OGFOD1: variants seen among roughly 807,000 people sequenced by gnomAD.
The protein encoded by OGFOD1 is 2-oxoglutarate and iron dependent oxygenase domain containing 1.
OGFOD1 carries 54 observed loss-of-function variants against 67.7 expected under a neutral mutation model. The observed-to-expected ratio is 0.80, with a 90% CI of 0.64 to 1.00. The LOEUF (loss-of-function observed/expected upper bound fraction) is 1.00. Ranked by LOEUF, OGFOD1 falls within the 50% of genes least tolerant of loss-of-function variation. OGFOD1 has a pLI of 0.00. For missense variants in OGFOD1, 606 were observed against 646.7 expected, an observed-to-expected ratio of 0.94 and a Z score of 0.68; for synonymous variants, 221 against 227.0, an observed-to-expected ratio of 0.97 and a Z score of 0.24.
intron 3 of OGFOD1, 53 bp from the exon 4 acceptor site, chr16:56,462,481 G>A (rs1245890232): frequency 9.0e-7 from 1 of 1,114,874 alleles, no homozygotes; most frequent in Non-Finnish European, 1.4e-6. Context: ...AAACAGTTGT[G>A]ACCTAGATCC....
chr16:56,467,850 G>A, intron 7 of OGFOD1, 55 bp from the exon 8 acceptor site: 4 of 853,110 alleles, frequency 4.7e-6, no homozygotes, highest in South Asian at 2.7e-5. Flanking sequence ...TGATGTAAGA[G>A]CAAAAGCAAT....
intron 10 of OGFOD1, among the ~76,000 whole-genome samples, chr16:56,471,514 A>T (rs1278611654): frequency 1.3e-5 from 2 of 152,222 alleles, no homozygotes; most frequent in East Asian, 3.8e-4. Context: ...TATTGGCACC[A>T]TTAAAAAGTA....
chr16:56,465,359 T>G (rs1469288614), intron 4 of OGFOD1, among the ~76,000 whole-genome samples: 2 of 152,236 alleles, frequency 1.3e-5, no homozygotes, highest in Admixed American at 6.5e-5. Flanking sequence ...TCCCATTGAT[T>G]CCTCGAGTTC....
chr16:56,471,762 T>A (rs552679331), intron 10 of OGFOD1, among the ~76,000 whole-genome samples: 1 of 152,246 alleles, frequency 6.6e-6, no homozygotes, highest in Non-Finnish European at 1.5e-5. Context: ...CTTTGGCCAC[T>A]GCAGATATTT....
Position 56,470,613 on chromosome 16 carries a change from C to G in OGFOD1, c.1107C>G (p.Ala369=). Residue 369 remains alanine, a synonymous_variant, in exon 10 of 13, where the codon GCC becomes GCG. Coordinates refer to ENST00000566157, the MANE Select transcript of OGFOD1 (RefSeq NM_018233.4). The stretch of plus-strand genomic sequence containing the variant: ...CAGGCCTGAAGCTTCATTTCTTGGC[C>G]CCTTCGGAAGAAGATGAGATGAATG... ...NFTGLKLHFL[A]PSEEDEMNDK... 1.2e-6 allele frequency: 2 copies of G among 1,614,020 alleles called. No homozygotes were observed. The highest frequency in any genetic ancestry group is 1.7e-6 in the Non-Finnish European group (2 of 1,180,018).
At chr16:56,455,386 T>C (rs1202920399) in intron 2 of OGFOD1, among the ~76,000 whole-genome samples, 2 of 146,152 alleles carry the variant, frequency 1.4e-5, no homozygotes, top group African/African-American at 5.0e-5. Context: ...AAAACAAAAC[T>C]GGAAGATATA....
chr16:56,474,999 G>A (rs767780639), intron 11 of OGFOD1, 49 bp downstream of exon 11: 1 of 1,600,064 alleles, frequency 6.2e-7, no homozygotes, highest in Admixed American at 1.7e-5. Context: ...AGGAGGGGCA[G>A]TCTCTTCTGA....
chr16:56,457,392 A>G (rs1169023922), intron 2 of OGFOD1, among the ~76,000 whole-genome samples: 2 of 152,210 alleles, frequency 1.3e-5, no homozygotes, highest in Non-Finnish European at 2.9e-5. Flanking sequence ...TGGGGGGAGG[A>G]GAGAAGAGGG....
chr16:56,457,877 A>T (rs1596967707), intron 2 of OGFOD1, among the ~76,000 whole-genome samples: 1 of 152,096 alleles, frequency 6.6e-6, no homozygotes, highest in East Asian at 1.9e-4. Flanking sequence ...ACAGGGTTTC[A>T]CCACGTTGGT....
intron 5 of OGFOD1, 141 bp downstream of exon 5, chr16:56,466,409 A>G: frequency 1.6e-6 from 1 of 607,604 alleles, no homozygotes; most frequent in Non-Finnish European, 2.9e-6. Flanking sequence ...TAACTACCTC[A>G]AGAGGAATAA....
intron 2 of OGFOD1, chr16:56,458,280 T>A: frequency 2.3e-6 from 1 of 432,922 alleles, no homozygotes; most frequent in Non-Finnish European, 4.2e-6. Context: ...GCTTTTTGTG[T>A]CTGTTGTCTA....
intron 2 of OGFOD1, among the ~76,000 whole-genome samples, chr16:56,454,029 C>T (rs897907445): frequency 3.3e-5 from 5 of 152,086 alleles, no homozygotes; most frequent in African/African-American, 1.2e-4. Flanking sequence ...GAGAGTTGTA[C>T]GTTGGGAGAC....
At chr16:56,469,905 C>A in intron 8 of OGFOD1, 98 bp from the exon 9 acceptor site, 32 of 638,550 alleles carry the variant, frequency 5.0e-5, no homozygotes, top group East Asian at 7.3e-5. Context: ...TTTTAGGAAT[C>A]AGCCAGATTG....
chr16:56,470,158 A>G, intron 9 of OGFOD1, 76 bp downstream of exon 9: 1 of 1,322,732 alleles, frequency 7.6e-7, no homozygotes, highest in Non-Finnish European at 1.1e-6. Flanking sequence ...TAAAATGACA[A>G]AAAGCCTAAA....
At chr16:56,471,430 T>C (rs948424062) in intron 10 of OGFOD1, among the ~76,000 whole-genome samples, 1 of 151,854 alleles carries the variant, frequency 6.6e-6, no homozygotes, top group East Asian at 1.9e-4. Context: ...GAAAAGTCTC[T>C]CTGAGGAGCG....
At position 56,466,250 on chromosome 16, in the gene OGFOD1, G is replaced by T; in HGVS notation, c.547G>T (p.Asp183Tyr). ...PWDRSMGGTL[D>Y]LYSIDEHFQP... is the part of the protein sequence containing the mutation. ...GGACAGGAGCATGGGTGGTACCCTG[G>T]ACCTGTACAGCATTGATGGTAAGAT... The change falls in exon 5 of 13, where the codon GAC becomes TAC. Residue 183 changes from aspartate to tyrosine, a missense_variant. Coordinates refer to ENST00000566157, the MANE Select transcript of OGFOD1 (RefSeq NM_018233.4). 1 of 1,611,262 alleles carries T rather than the reference G, an allele frequency of 6.2e-7. No homozygotes were observed. The highest frequency in any genetic ancestry group is 8.5e-7 in the Non-Finnish European group (1 of 1,177,394).
Position 56,476,353 on chromosome 16 carries a change from A to T in OGFOD1, c.*148A>T, listed in dbSNP as rs182879553. The T allele has an allele frequency of 1.8e-3, 1,128 of 611,748 alleles. 10 individuals are homozygous for T. In the African/African-American group the frequency reaches 0.02, roughly 11 times the overall value. The allele number at this position is 611,748 out of a possible 1,614,324, so 37.9% of individuals were successfully genotyped here. On this transcript the variant is annotated 3_prime_UTR_variant, in exon 13 of 13. Coordinates refer to ENST00000566157, the MANE Select transcript of OGFOD1 (RefSeq NM_018233.4). Reference sequence around the variant, plus strand: ...TTGTCTTTTACTAGGACTCATAATGATTGTCCTCAACCGAGACCTTGAGCT... The same window carrying T: ...TTGTCTTTTACTAGGACTCATAATGTTTGTCCTCAACCGAGACCTTGAGCT...
chr16:56,469,228 G>A (rs1358893482), intron 8 of OGFOD1, among the ~76,000 whole-genome samples: 10 of 152,120 alleles, frequency 6.6e-5, no homozygotes, highest in Non-Finnish European at 1.2e-4. Flanking sequence ...TTCCTGTGTC[G>A]TACCTAACTT....
chr16:56,461,449 C>T (rs1172909571), intron 3 of OGFOD1, among the ~76,000 whole-genome samples: 3 of 152,182 alleles, frequency 2.0e-5, no homozygotes, highest in African/African-American at 7.2e-5. Flanking sequence ...CAGTTCTGTC[C>T]TTTTATAATA....
Sources: allele counts gnomAD v4.1 joint callset (sites outside exome capture counted in the v4.1 genomes callset), GRCh38; gene constraint gnomAD v4.1.1; transcripts MANE v1.5; gene names NCBI Gene and HGNC (gene_info 2026-07-23, HGNC 2026-07-21).